DOT1L: variants seen among roughly 807,000 people sequenced by gnomAD.
DOT1L encodes the protein DOT1 like histone lysine methyltransferase.
Under a neutral mutation model 153.3 loss-of-function variants are expected in DOT1L, and 33 were observed. The ratio of observed to expected loss-of-function variants is 0.22; its 90% CI spans 0.16 to 0.29. The LOEUF (loss-of-function observed/expected upper bound fraction) is 0.29. Ranked by LOEUF, DOT1L falls within the 10% of genes least tolerant of loss-of-function variation. The pLI, the probability that DOT1L is intolerant of heterozygous loss-of-function variation, is 1.00. For missense variants in DOT1L, 1,847 were observed against 2,119.9 expected (o/e 0.87, Z 2.53); for synonymous variants, 1,135 against 965.1 (o/e 1.18, Z -3.26).
In DOT1L at chr19:2,217,867, G is replaced by A. The variant is rs576123949; in HGVS notation, c.2640G>A (p.Pro880=). ...GCACCGTGCAGCCCAACAAGCTCCC[G>A]GTCAGCATTCCCCTGGCCAGCGTGG... ...PLSTVQPNKL[P]VSIPLASVVL... Residue 880 remains proline, a synonymous_variant, in exon 22 of 28, where the codon CCG becomes CCA. Transcript: ENST00000398665. This position sits in a 1 kb window ranked among gnomAD's most constrained non-coding sequence, Gnocchi z 7.3. 44 of 1,612,254 alleles carry A rather than the reference G, an allele frequency of 2.7e-5. No homozygotes were observed. The highest frequency in any genetic ancestry group is 8.8e-5 in the South Asian group (8 of 90,882).
intron 7 of DOT1L, among the ~76,000 whole-genome samples, chr19:2,196,792 C>T (rs2023041621): frequency 6.6e-6 from 1 of 152,208 alleles, no homozygotes; most frequent in African/African-American, 2.4e-5. Context: ...AGACGGGTAC[C>T]CTTCCCTGCC....
At chr19:2,206,614 C>A in intron 9 of DOT1L, 115 bp from the exon 10 acceptor site, 1 of 1,007,170 alleles carries the variant, frequency 9.9e-7, no homozygotes, top group African/African-American at 1.6e-5. Flanking sequence ...TGGACAGGAC[C>A]CGGAGCCCAG....
chr19:2,212,712 A>T (rs2023758221), intron 16 of DOT1L: 1 of 152,304 alleles, frequency 6.6e-6, no homozygotes, highest in Non-Finnish European at 1.5e-5. Flanking sequence ...CGATCCAAGC[A>T]GGGGCCTAGT....
Position 2,214,568 on chromosome 19 carries a change from A to G in DOT1L, c.1895A>G (p.Glu632Gly). Residue 632 changes from glutamate (E) to glycine (G), a missense_variant, in exon 19 of 28, where the codon GAG (glutamate) becomes GGG (glycine). Around this residue, in one of 8 missense-constraint regions of DOT1L, gnomAD observed 156 missense variants for 235.7 expected, o/e 0.66. Coordinates refer to ENST00000398665, the MANE Select transcript of DOT1L (RefSeq NM_032482.3). ...EKQALKSQISEKQRHCLELQI... is the reference protein window; with the variant it reads ...EKQALKSQISGKQRHCLELQI... ...CAGGCCCTGAAGAGCCAGATCTCGGAGAAGCAGAGGCACTGCCTGGAGCTG... is the reference window on the plus strand; with the variant it reads ...CAGGCCCTGAAGAGCCAGATCTCGGGGAAGCAGAGGCACTGCCTGGAGCTG... The G allele has an allele frequency of 1.2e-6, 2 of 1,613,122 alleles. No individual in the cohort carries two copies. The highest frequency in any genetic ancestry group is 8.5e-7 in the Non-Finnish European group (1 of 1,179,864).
Position 2,222,328 on chromosome 19 carries a change from G to C in DOT1L, c.3159G>C (p.Ala1053=). The C allele has an allele frequency of 6.2e-7, 1 of 1,612,902 alleles. No homozygotes were observed. The highest frequency in any genetic ancestry group is 8.5e-7 in the Non-Finnish European group (1 of 1,179,892). ...TTGTGTTCACCATCACCACTGGTGC[G>C]GGCAGTGCCAAGCAGTCGCCCTCCA... is the stretch of plus-strand genomic sequence containing the variant. ...RRIVFTITTG[A]GSAKQSPSSK... is the part of the protein sequence containing the mutation. Residue 1053 remains alanine, a synonymous_variant, in exon 24 of 28, where the codon GCG becomes GCC. Transcript: ENST00000398665. This position sits in a 1 kb window ranked among gnomAD's most constrained non-coding sequence, Gnocchi z 6.5.
At position 2,222,335 on chromosome 19, in the gene DOT1L, G is replaced by A. The variant is rs1349250074; in HGVS notation, c.3166G>A (p.Ala1056Thr). The change falls in exon 24 of 28, where the codon GCC becomes ACC. Residue 1056 changes from alanine (A) to threonine (T), a missense_variant. Transcript: ENST00000398665. The surrounding 1 kb of genome is among the most constrained non-coding windows in gnomAD (Gnocchi z 6.5). The part of the protein sequence containing the change: ...VFTITTGAGS[A>T]KQSPSSKHSP... ...CACCATCACCACTGGTGCGGGCAGT[G>A]CCAAGCAGTCGCCCTCCAGCAAGCA... 1 of 1,612,866 alleles carries A rather than the reference G, an allele frequency of 6.2e-7. No homozygotes were observed. The highest frequency in any genetic ancestry group is 1.1e-5 in the South Asian group (1 of 91,078).
In DOT1L at chr19:2,211,676, T is replaced by C. The variant is rs899204635; in HGVS notation, c.1466-75T>C. ...ACCTGCCGAGGCCTGGGACTCGTTC[T>C]CAAGGGCTGCTCCCACCTCTTCCCT... is the stretch of plus-strand genomic sequence containing the variant. On this transcript the variant is annotated intron_variant, in intron 15 of 27. Transcript: ENST00000398665. 2.2e-5 allele frequency: 30 copies of C among 1,346,332 alleles called. No individual in the cohort carries two copies. In the Admixed American group the frequency reaches 6.1e-4, roughly 27 times the overall value. 83.4% of individuals were successfully genotyped at this position (1,346,332 alleles called of 1,614,324 possible). A position where few individuals can be genotyped will look rare whatever the true frequency, so the allele number is the denominator to read the frequency against.
chr19:2,180,824 G>T, intron 2 of DOT1L, 68 bp downstream of exon 2: 8 of 1,584,644 alleles, frequency 5.0e-6, no homozygotes, highest in Non-Finnish European at 6.9e-6. Flanking sequence ...CCCGTGCCCT[G>T]CAGATTCTGT....
In DOT1L at chr19:2,214,609, C is replaced by G. The variant is rs202178103; in HGVS notation, c.1923+13C>G. 3 of 1,610,078 alleles carry G rather than the reference C, an allele frequency of 1.9e-6. No homozygotes were observed. Among genetic ancestry groups the G allele is most frequent in the Middle Eastern group, 1.7e-4 (1 of 6,002 alleles). On this transcript the variant is annotated intron_variant, in intron 19 of 27. Coordinates refer to ENST00000398665, the MANE Select transcript of DOT1L (RefSeq NM_032482.3). The stretch of plus-strand genomic sequence containing the variant: ...CCTGGAGCTGCAGGTGGGCTGCGCG[C>G]GAGGCTGCACTCCGTGGTGTCCGAG...
Position 2,230,033 on chromosome 19 carries a change from A to G in DOT1L, c.*241A>G, listed in dbSNP as rs1048047419. ...TAAAAAGTATAAACAATTCTGACTTATTTTATTCCATCTAAGTGGTAAAAG... is the reference window on the plus strand; with the variant it reads ...TAAAAAGTATAAACAATTCTGACTTGTTTTATTCCATCTAAGTGGTAAAAG... On this transcript the variant is annotated 3_prime_UTR_variant, in exon 28 of 28. Transcript: ENST00000398665. 1.7e-5 allele frequency: 11 copies of G among 644,094 alleles called. No individual in the cohort carries two copies. Among genetic ancestry groups the G allele is most frequent in the Non-Finnish European group, 2.6e-5 (10 of 385,314 alleles). 39.9% of individuals were successfully genotyped at this position (644,094 alleles called of 1,614,324 possible).
At position 2,230,324 on chromosome 19, in the gene DOT1L, C is replaced by G. The variant is rs1280901769; in HGVS notation, c.*532C>G. The G allele has an allele frequency of 2.4e-6, 1 of 415,380 alleles. No homozygotes were observed. The highest frequency in any genetic ancestry group is 4.1e-5 in the Admixed American group (1 of 24,500). The allele number at this position is 415,380 out of a possible 1,614,324, so 25.7% of individuals were successfully genotyped here. A position where few individuals can be genotyped will look rare whatever the true frequency, so the allele number is the denominator to read the frequency against. On this transcript the variant is annotated 3_prime_UTR_variant, in exon 28 of 28. Coordinates refer to ENST00000398665, the MANE Select transcript of DOT1L (RefSeq NM_032482.3). ...TCGCCACCACATTCCTCGGAGGCCT[C>G]CCCGCGGCCTGAGCCCCTTCCTGAG...
chr19:2,180,844 G>A, intron 2 of DOT1L, 88 bp downstream of exon 2: 1 of 1,509,434 alleles, frequency 6.6e-7, no homozygotes, highest in Non-Finnish European at 9.1e-7. Flanking sequence ...TTGTGGGGAT[G>A]GCTCCTGCAG....
In DOT1L at chr19:2,216,622, C is replaced by T. The variant is rs778573310; in HGVS notation, c.2265C>T (p.Val755=). 168 of 1,605,932 alleles carry T rather than the reference C, an allele frequency of 1.0e-4. No homozygotes were observed. Among genetic ancestry groups the T allele is most frequent in the Non-Finnish European group, 1.3e-4 (159 of 1,179,918 alleles). The part of the protein sequence containing the change: ...QEVVPCTPSH[V]GRPRLEKLSG... Reference sequence around the variant, plus strand: ...TGGTGCCCTGTACCCCTAGCCACGTCGGCCGGCCGCGCCTGGAGAAGCTGT... The same window carrying T: ...TGGTGCCCTGTACCCCTAGCCACGTTGGCCGGCCGCGCCTGGAGAAGCTGT... Residue 755 remains valine (V), a synonymous_variant, in exon 20 of 28, where the codon GTC becomes GTT. Coordinates refer to ENST00000398665, the MANE Select transcript of DOT1L (RefSeq NM_032482.3).
chr19:2,165,458 T>C lies in DOT1L; in HGVS notation c.81+1193T>C, dbSNP rs866475970. On this transcript the variant is annotated intron_variant, in intron 1 of 27. Transcript: ENST00000398665. ...CGTCCCGCGCGCGGGGCTGGCGGGG[T>C]AGGGCCCTGGGGCTCTGGCTTCTCT... Among the ~76,000 whole-genome samples, 259 of 151,940 alleles carry C rather than the reference T, an allele frequency of 1.7e-3. 2 individuals carry two copies. Among genetic ancestry groups the C allele is most frequent in the African/African-American group, 6.0e-3 (251 of 41,514 alleles).
At chr19:2,174,811 T>C (rs1308299954) in intron 1 of DOT1L, among the ~76,000 whole-genome samples, 1 of 149,124 alleles carries the variant, frequency 6.7e-6, no homozygotes, top group South Asian at 2.1e-4. Context: ...AGCAAAAACT[T>C]TTTTTGAAGA....
chr19:2,204,908 G>A lies in DOT1L; in HGVS notation c.788-1821G>A, dbSNP rs922664430. On this transcript the variant is annotated intron_variant, in intron 9 of 27. Coordinates refer to ENST00000398665, the MANE Select transcript of DOT1L (RefSeq NM_032482.3). The surrounding 1 kb of genome is among the most constrained non-coding windows in gnomAD (Gnocchi z 5.7). ...AATGCCAGGCCTGGGCTGGTGTGGCGTCCAGGGGAGGAGAGCTGGGATGGC... is the reference window on the plus strand; with the variant it reads ...AATGCCAGGCCTGGGCTGGTGTGGCATCCAGGGGAGGAGAGCTGGGATGGC... Among the ~76,000 whole-genome samples the A allele has an allele frequency of 3.1e-4, 47 of 152,260 alleles. No individual in the cohort carries two copies. Among genetic ancestry groups the A allele is most frequent in the African/African-American group, 1.0e-3 (42 of 41,560 alleles).
rs757639244 is a variant in DOT1L, at chr19:2,194,382, A to G, written c.589-133A>G. ...GAGACGGGGTTTCACCGTGTTAGCC[A>G]GGATGGTCGCAATCTCCTGACCTCA... On this transcript the variant is annotated intron_variant, in intron 6 of 27. Coordinates refer to ENST00000398665, the MANE Select transcript of DOT1L (RefSeq NM_032482.3). 7.0e-4 allele frequency: 643 copies of G among 918,792 alleles called. 1 individual carries two copies. The highest frequency in any genetic ancestry group is 1.0e-3 in the Non-Finnish European group (601 of 591,990). The allele number at this position is 918,792 out of a possible 1,614,324, so 56.9% of individuals were successfully genotyped here. A position where few individuals can be genotyped will look rare whatever the true frequency, so the allele number is the denominator to read the frequency against.
intron 19 of DOT1L, 66 bp from the exon 20 acceptor site, chr19:2,216,215 G>A (rs2023891753): frequency 1.3e-6 from 2 of 1,503,584 alleles, no homozygotes; most frequent in South Asian, 1.3e-5. Flanking sequence ...GTCCATCTGT[G>A]GCAGTCTTGG....
rs567651825 is a variant in DOT1L at position 2,195,795 on chromosome 19, G to A, written c.651+1218G>A. 5.3e-5 allele frequency among the ~76,000 whole-genome samples: 8 copies of A among 152,324 alleles called. No homozygotes were observed. The South Asian group carries it at 1.4e-3, about 28-fold the overall frequency. ...ACTCGTGATCCCAGGTGCCTGCGAC[G>A]ACCCAGTTCCTGGGTGGAATCCGCA... On this transcript the variant is annotated intron_variant, in intron 7 of 27. Coordinates refer to ENST00000398665, the MANE Select transcript of DOT1L (RefSeq NM_032482.3).
Sources: allele counts gnomAD v4.1 joint callset (sites outside exome capture counted in the v4.1 genomes callset), GRCh38; gene constraint gnomAD v4.1.1; regional missense constraint gnomAD v4.1.1; non-coding constraint Gnocchi (gnomAD v3.1); transcripts MANE v1.5; gene names NCBI Gene and HGNC (gene_info 2026-07-23, HGNC 2026-07-21).